The following USF3 variants were observed in gnomAD, a reference collection of about 807,000 sequenced individuals.
The protein encoded by USF3 is upstream transcription factor family member 3.
USF3 carries 29 observed loss-of-function variants against 157.5 expected under a neutral mutation model. The observed-to-expected ratio is 0.18, with a 90% CI of 0.14 to 0.25. The LOEUF (loss-of-function observed/expected upper bound fraction) is 0.25. Among genes scored for constraint, USF3 ranks in the 10% least tolerant of loss-of-function variants. The probability of loss-of-function intolerance (pLI) is 1.00; values close to 1 mark genes in which losing one functional copy is unlikely to be tolerated. For missense variants in USF3, 2,381 were observed against 2,667.6 expected, an observed-to-expected ratio of 0.89 and a Z score of 2.37; for synonymous variants, 893 against 941.4, an observed-to-expected ratio of 0.95 and a Z score of 0.94.
Position 113,661,427 on chromosome 3 carries a change from TATA to T in USF3, c.257-5_257-3del. ...TCCGTAGCTTTTTTATTTCTTCAGC[TATA>T]ATATTAAAAACAAAAATTTATAAAT... On this transcript the variant is annotated splice_region_variant and splice_polypyrimidine_tract_variant and intron_variant, in intron 6 of 6. Coordinates refer to ENST00000316407, the MANE Select transcript of USF3 (RefSeq NM_001009899.4). 5 of 1,526,420 alleles carry T rather than the reference TATA, an allele frequency of 3.3e-6. No homozygotes were observed. Among genetic ancestry groups the T allele is most frequent in the Admixed American group, 2.2e-5 (1 of 44,574 alleles). 94.6% of individuals were successfully genotyped at this position (1,526,420 alleles called of 1,614,324 possible).
rs773076829 is a variant in USF3, at chr3:113,660,043, G to A, written c.1639C>T (p.Pro547Ser). The A allele has an allele frequency of 1.9e-6, 3 of 1,614,166 alleles. No homozygotes were observed. Among genetic ancestry groups the A allele is most frequent in the Non-Finnish European group, 1.7e-6 (2 of 1,180,008 alleles). ...AGAATTATAACATTTTGATTAGTTG[G>A]AGCTGAATTAACAGCTGACCCAACT... ...QPVGSAVNSA[P>S]TNQNVIILQP... The change falls in exon 7 of 7, where the codon CCA becomes TCA. Residue 547 changes from proline (P) to serine (S), a missense_variant. By Grantham distance (74) the Pro-to-Ser change is moderately conservative. This residue lies in a region of USF3 where 1,435 missense variants were observed against 1,550.9 expected (regional missense o/e 0.93). Coordinates refer to ENST00000316407, the MANE Select transcript of USF3 (RefSeq NM_001009899.4).
In USF3 at chr3:113,648,540, C is replaced by A. The variant is rs1383062485; in HGVS notation, c.*6404G>T. The A allele has an allele frequency of 6.6e-6, 1 of 152,556 alleles. No homozygotes were observed. The highest frequency in any genetic ancestry group is 6.5e-5 in the Admixed American group (1 of 15,278). 9.5% of individuals were successfully genotyped at this position (152,556 alleles called of 1,614,324 possible). On this transcript the variant is annotated 3_prime_UTR_variant, in exon 7 of 7. Transcript: ENST00000316407. ...GGTTCAGAATATTCACACCCTAATA[C>A]AATGCATTTGTAAAAAGATGTCAAA...
Position 113,657,618 on chromosome 3 carries a change from T to C in USF3, c.4064A>G (p.Glu1355Gly). 1 of 1,614,204 alleles carries C rather than the reference T, an allele frequency of 6.2e-7. No individual in the cohort carries two copies. The highest frequency in any genetic ancestry group is 8.5e-7 in the Non-Finnish European group (1 of 1,180,042). Residue 1355 changes from glutamate (E) to glycine (G), a missense_variant, in exon 7 of 7, where the codon GAA becomes GGA. This residue lies in a region of USF3 where 1,435 missense variants were observed against 1,550.9 expected (regional missense o/e 0.93). Transcript: ENST00000316407. ...AGTTCTGCTCATCAGGGACATACTT[T>C]CAAGCCTGAGGGGGGCTGGCTGACA... ...KHCQPAPLRL[E>G]SMSLMSRTPD...
chr3:113,673,512 A>G (rs1707210316), intron 3 of USF3, 136 bp from the exon 4 acceptor site: 1 of 603,454 alleles, frequency 1.7e-6, no homozygotes, highest in Admixed American at 3.2e-5. Context: ...ATCTGAAGAA[A>G]CATTTCCTTA....
chr3:113,656,693 A>G lies in USF3; in HGVS notation c.4989T>C (p.Asn1663=), dbSNP rs556700891. The G allele has an allele frequency of 6.2e-7, 1 of 1,614,002 alleles. No individual in the cohort carries two copies. Among genetic ancestry groups the G allele is most frequent in the Non-Finnish European group, 8.5e-7 (1 of 1,179,972 alleles). ...CCTCAGCAGAATAACTTGAAACTCT[A>G]TTTCTCTCTGGCCTGTGTGGAGTAC... The part of the protein sequence containing the change: ...MTCTPHRPER[N]RVSSYSAEAL... Residue 1663 remains asparagine, a synonymous_variant, in exon 7 of 7, where the codon AAT becomes AAC. Coordinates refer to ENST00000316407, the MANE Select transcript of USF3 (RefSeq NM_001009899.4).
In USF3 at chr3:113,659,577, T is replaced by C. The variant is rs750506199; in HGVS notation, c.2105A>G (p.Asn702Ser). 9 of 1,614,054 alleles carry C rather than the reference T, an allele frequency of 5.6e-6. No individual in the cohort carries two copies. Among genetic ancestry groups the C allele is most frequent in the East Asian group, 2.2e-5 (1 of 44,884 alleles). The change falls in exon 7 of 7, where the codon AAT (asparagine) becomes AGT (serine). Residue 702 changes from asparagine to serine, a missense_variant. Asn to Ser is a conservative substitution (Grantham distance 46, BLOSUM62 1). Coordinates refer to ENST00000316407, the MANE Select transcript of USF3 (RefSeq NM_001009899.4). Reference protein sequence around the residue: ...QPTTSEDPNTNVALNTFGALA... With the variant: ...QPTTSEDPNTSVALNTFGALA... ...AGCACCAAATGTATTCAGGGCAACA[T>C]TGGTATTTGGATCTTCGCTGGTGGT... is the stretch of plus-strand genomic sequence containing the variant.
intron 1 of USF3, among the ~76,000 whole-genome samples, chr3:113,694,427 AGAC>A (rs1349230787): frequency 6.6e-6 from 1 of 152,244 alleles, no homozygotes; most frequent in Admixed American, 6.5e-5. Context: ...GATGTTCCAT[AGAC>A]GACTAACCTA....
rs367925712 is a variant in USF3 at position 113,659,328 on chromosome 3, G to A, written c.2354C>T (p.Ala785Val). 9.3e-6 allele frequency: 15 copies of A among 1,614,102 alleles called. No homozygotes were observed. Among genetic ancestry groups the A allele is most frequent in the Non-Finnish European group, 1.3e-5 (15 of 1,180,040 alleles). ...TTTAGATTTCATGTTAGGCAAACAA[G>A]CAACAGTGTTCATTGAGGAAGTACT... ...LVSTSSMNTVACLPNMKSKRL... is the reference protein window; with the variant it reads ...LVSTSSMNTVVCLPNMKSKRL... Residue 785 changes from alanine to valine, a missense_variant, in exon 7 of 7, where the codon GCT becomes GTT. Physicochemically the swap from Ala to Val is moderately conservative, Grantham distance 64 (BLOSUM62 0). This residue lies in a region of USF3 where 1,435 missense variants were observed against 1,550.9 expected (regional missense o/e 0.93). Transcript: ENST00000316407.
chr3:113,666,197 A>AATATAT (rs1194750646), intron 5 of USF3, among the ~76,000 whole-genome samples: 2 of 148,704 alleles, frequency 1.3e-5, no homozygotes, highest in African/African-American at 4.9e-5. Context: ...AAAAATAATA[A>AATATAT]ATATATATAT....
intron 1 of USF3, among the ~76,000 whole-genome samples, chr3:113,686,609 G>C (rs1344648712): frequency 2.0e-5 from 3 of 152,192 alleles, no homozygotes; most frequent in Admixed American, 6.5e-5. Context: ...TGGTTCTTAT[G>C]TGGATAGTAG....
intron 5 of USF3, among the ~76,000 whole-genome samples, chr3:113,668,725 G>A (rs1707071112): frequency 6.6e-6 from 1 of 151,784 alleles, no homozygotes. Context: ...AAAACTTCAG[G>A]AAAAAACCTA....
intron 1 of USF3, among the ~76,000 whole-genome samples, chr3:113,696,167 G>C (rs1707793613): frequency 6.6e-6 from 1 of 152,194 alleles, no homozygotes; most frequent in Non-Finnish European, 1.5e-5. Context: ...TGAGGGGTGC[G>C]CTCGCCGCGG....
chr3:113,676,564 C>A (rs1416207385), intron 2 of USF3, among the ~76,000 whole-genome samples: 1 of 152,132 alleles, frequency 6.6e-6, no homozygotes, highest in African/African-American at 2.4e-5. Context: ...CACTTGGGCC[C>A]CTCCCATGAC....
chr3:113,687,821 G>A (rs547485534), intron 1 of USF3, among the ~76,000 whole-genome samples: 4 of 152,286 alleles, frequency 2.6e-5, no homozygotes, highest in African/African-American at 7.2e-5. Flanking sequence ...GAACAACTTC[G>A]TCCTTTTATC....
At chr3:113,674,571 G>A (rs1707234825) in intron 3 of USF3, among the ~76,000 whole-genome samples, 2 of 152,112 alleles carry the variant, frequency 1.3e-5, no homozygotes, top group South Asian at 4.1e-4. Context: ...TTGAACTCCT[G>A]ACCTCAGGTG....
At chr3:113,684,359 G>A (rs1008828612) in intron 1 of USF3, among the ~76,000 whole-genome samples, 4 of 151,762 alleles carry the variant, frequency 2.6e-5, no homozygotes, top group Admixed American at 1.3e-4. Flanking sequence ...TTTCTTGATC[G>A]TCTATAACCT....
At chr3:113,677,627 G>A (rs1165567307) in intron 1 of USF3, among the ~76,000 whole-genome samples, 2 of 152,150 alleles carry the variant, frequency 1.3e-5, no homozygotes, top group East Asian at 1.9e-4. Flanking sequence ...TACAGCCAAC[G>A]GATGGTCCCC....
intron 1 of USF3, among the ~76,000 whole-genome samples, chr3:113,683,057 G>A (rs1447066305): frequency 6.6e-5 from 10 of 151,650 alleles, no homozygotes. Flanking sequence ...TCCTTCTCAT[G>A]TCAGTGTTTT....
chr3:113,680,977 CTTTTTA>C (rs933041615), intron 1 of USF3, among the ~76,000 whole-genome samples: 2 of 151,690 alleles, frequency 1.3e-5, no homozygotes, highest in African/African-American at 4.8e-5. Flanking sequence ...AGTTTTTCTA[CTTTTTA>C]TTTTTATTTT....
Sources: allele counts gnomAD v4.1 joint callset (sites outside exome capture counted in the v4.1 genomes callset), GRCh38; gene constraint gnomAD v4.1.1; regional missense constraint gnomAD v4.1.1; transcripts MANE v1.5; gene names NCBI Gene and HGNC (gene_info 2026-07-23, HGNC 2026-07-21).